RNF7: variants seen among roughly 807,000 people sequenced by gnomAD.
RNF7 encodes ring finger protein 7, also known as RING-box protein 2.
RNF7 carries 9 observed loss-of-function variants against 17.0 expected under a neutral mutation model. The ratio of observed to expected loss-of-function variants is 0.53; its 90% confidence interval spans 0.32 to 0.92. The LOEUF (loss-of-function observed/expected upper bound fraction) is 0.92. Ranked by LOEUF, RNF7 falls within the 40% of genes least tolerant of loss-of-function variation. The pLI, the probability that RNF7 is intolerant of heterozygous loss-of-function variation, is 0.04. For synonymous variants in RNF7, 59 were observed against 50.5 expected, an observed-to-expected ratio of 1.17 and a Z score of -0.72; for missense variants, 87 against 145.8, an observed-to-expected ratio of 0.60 and a Z score of 2.08.
chr3:141,745,237 T>C lies in RNF7; in HGVS notation c.302T>C (p.Leu101Pro). The change falls in exon 3 of 3, where the codon CTC becomes CCC. Residue 101 changes from leucine (L) to proline (P), a missense_variant. By Grantham distance (98) the Leu-to-Pro change is moderately conservative (BLOSUM62 -3). Transcript: ENST00000273480. Reference protein sequence around the residue: ...LWVKQNNRCPLCQQDWVVQRI... With the variant: ...LWVKQNNRCPPCQQDWVVQRI... ...GTGAAACAGAACAATCGCTGCCCTC[T>C]CTGCCAGCAGGACTGGGTGGTCCAA... The C allele has an allele frequency of 1.9e-6, 3 of 1,612,920 alleles. No individual in the cohort carries two copies. The highest frequency in any genetic ancestry group is 2.5e-6 in the Non-Finnish European group (3 of 1,179,842).
Position 141,746,062 on chromosome 3 carries a change from C to T in RNF7, c.*785C>T, listed in dbSNP as rs982027814. The T allele has an allele frequency of 3.3e-5, 5 of 151,636 alleles. No homozygotes were observed. Among genetic ancestry groups the T allele is most frequent in the Non-Finnish European group, 5.9e-5 (4 of 67,972 alleles). 9.4% of individuals were successfully genotyped at this position (151,636 alleles called of 1,614,324 possible). On this transcript the variant is annotated 3_prime_UTR_variant, in exon 3 of 3. Transcript: ENST00000273480. ...CATGATGTCAACTCACTGCAACCTC[C>T]GCCTCCCGGGTTCAAGTGATTCTCC...
intron 2 of RNF7, among the ~76,000 whole-genome samples, chr3:141,744,700 G>A (rs2107859088): frequency 6.6e-6 from 1 of 152,312 alleles, no homozygotes; most frequent in Middle Eastern, 3.4e-3. Flanking sequence ...ACAACTGAAT[G>A]TTTAGAAGCA....
chr3:141,738,695 A>AGGGCTGCGGCCGCCGCCTG (rs570405511), intron 1 of RNF7, among the ~76,000 whole-genome samples, 179 bp downstream of exon 1: 16 of 152,274 alleles, frequency 1.1e-4, no homozygotes, highest in African/African-American at 3.4e-4. Flanking sequence ...GCGGCTCCTG[A>AGGGCTGCGGCCGCCGCCTG]GGGCTGCGGC....
rs917148673 is a variant in RNF7, at chr3:141,742,505, C to T, written c.176-1004C>T. The T allele has an allele frequency of 3.2e-5, 21 of 661,202 alleles. No individual in the cohort carries two copies. In the African/African-American group the frequency reaches 3.6e-4, roughly 11 times the overall value. The allele number at this position is 661,202 out of a possible 1,614,324, so 41.0% of individuals were successfully genotyped here. A position where few individuals can be genotyped will look rare whatever the true frequency, so the allele number is the denominator to read the frequency against. ...CCTCCCAAAGTGCTGGGATTACAGG[C>T]GAGCATTTTCTTACAAAGAAAAAAC... is the stretch of plus-strand genomic sequence containing the variant. On this transcript the variant is annotated intron_variant, in intron 1 of 2. Transcript: ENST00000273480.
intron 1 of RNF7, among the ~76,000 whole-genome samples, chr3:141,740,267 C>T (rs929547155): frequency 5.9e-5 from 9 of 151,284 alleles, no homozygotes; most frequent in African/African-American, 1.9e-4. Context: ...AGTTCCTTTC[C>T]AGTTTAAAAA....
chr3:141,746,457 C>T lies in RNF7; in HGVS notation c.*1180C>T, dbSNP rs1367244621. ...CCTTAATTTGTCAAGTAAATACTTT[C>T]ATTTAATTTGAAAGAATTCATATTC... On this transcript the variant is annotated 3_prime_UTR_variant, in exon 3 of 3. Transcript: ENST00000273480. The T allele has an allele frequency of 2.7e-5, 4 of 150,658 alleles. No homozygotes were observed. The highest frequency in any genetic ancestry group is 5.9e-5 in the Non-Finnish European group (4 of 68,002). 9.3% of individuals were successfully genotyped at this position (150,658 alleles called of 1,614,324 possible).
At chr3:141,742,707 G>A in intron 1 of RNF7, 1 of 1,219,962 alleles carries the variant, frequency 8.2e-7, no homozygotes. Flanking sequence ...AGTGAAATGG[G>A]ATTTGACTGT....
At position 141,745,644 on chromosome 3, in the gene RNF7, T is replaced by C. The variant is rs1220992013; in HGVS notation, c.*367T>C. 2 of 154,388 alleles carry C rather than the reference T, an allele frequency of 1.3e-5. No homozygotes were observed. The highest frequency in any genetic ancestry group is 4.8e-5 in the African/African-American group (2 of 41,478). 9.6% of individuals were successfully genotyped at this position (154,388 alleles called of 1,614,324 possible). Reference sequence around the variant, plus strand: ...TTTCAGAGAACTTTTTGCATGCTTATGGTTGATCAGTTAAAAAAGAATGTT... The same window carrying C: ...TTTCAGAGAACTTTTTGCATGCTTACGGTTGATCAGTTAAAAAAGAATGTT... On this transcript the variant is annotated 3_prime_UTR_variant, in exon 3 of 3. Coordinates refer to ENST00000273480, the MANE Select transcript of RNF7 (RefSeq NM_014245.5).
In RNF7 at chr3:141,746,033, G is replaced by C. The variant is rs1398329134; in HGVS notation, c.*756G>C. 6.7e-6 allele frequency: 1 copy of C among 150,272 alleles called. No homozygotes were observed. Among genetic ancestry groups the C allele is most frequent in the Non-Finnish European group, 1.5e-5 (1 of 67,894 alleles). The allele number at this position is 150,272 out of a possible 1,614,324, so 9.3% of individuals were successfully genotyped here. A position where few individuals can be genotyped will look rare whatever the true frequency, so the allele number is the denominator to read the frequency against. Reference sequence around the variant, plus strand: ...GCTCTGCCACCCAGGCTGGAGTGCAGTGGCATGATGTCAACTCACTGCAAC... The same window carrying C: ...GCTCTGCCACCCAGGCTGGAGTGCACTGGCATGATGTCAACTCACTGCAAC... On this transcript the variant is annotated 3_prime_UTR_variant, in exon 3 of 3. Transcript: ENST00000273480.
Position 141,745,903 on chromosome 3 carries a change from A to C in RNF7, c.*626A>C, listed in dbSNP as rs886613068. On this transcript the variant is annotated 3_prime_UTR_variant, in exon 3 of 3. Coordinates refer to ENST00000273480, the MANE Select transcript of RNF7 (RefSeq NM_014245.5). ...ATTCATCAAGAAAACCTAGATCTGC[A>C]CTCACCTCACTGTTCAATCATTGAG... 1 of 151,924 alleles carries C rather than the reference A, an allele frequency of 6.6e-6. No homozygotes were observed. Among genetic ancestry groups the C allele is most frequent in the Non-Finnish European group, 1.5e-5 (1 of 68,006 alleles). 9.4% of individuals were successfully genotyped at this position (151,924 alleles called of 1,614,324 possible).
chr3:141,746,402 T>C lies in RNF7; in HGVS notation c.*1125T>C, dbSNP rs1201785256. On this transcript the variant is annotated 3_prime_UTR_variant, in exon 3 of 3. Coordinates refer to ENST00000273480, the MANE Select transcript of RNF7 (RefSeq NM_014245.5). ...TAAATGGTTTATTCTGCTTACCTTA[T>C]TTGAATTGTCATTATAATTTTATAT... The C allele has an allele frequency of 6.6e-6, 1 of 152,236 alleles. No individual in the cohort carries two copies. Among genetic ancestry groups the C allele is most frequent in the Non-Finnish European group, 1.5e-5 (1 of 68,036 alleles). The allele number at this position is 152,236 out of a possible 1,614,324, so 9.4% of individuals were successfully genotyped here.
Position 141,738,353 on chromosome 3 carries a change from G to A in RNF7, c.12G>A (p.Val4=), listed in dbSNP as rs1246375251. 1.3e-6 allele frequency: 2 copies of A among 1,575,790 alleles called. No homozygotes were observed. Among genetic ancestry groups the A allele is most frequent in the Non-Finnish European group, 1.7e-6 (2 of 1,161,312 alleles). MAD[V]EDGEETCALA... Reference sequence around the variant, plus strand: ...TCCGCGGCGCCGCCATGGCCGACGTGGAAGACGGAGAGGAAACCTGCGCCC... The same window carrying A: ...TCCGCGGCGCCGCCATGGCCGACGTAGAAGACGGAGAGGAAACCTGCGCCC... Residue 4 remains valine, a synonymous_variant, in exon 1 of 3, where the codon GTG becomes GTA. Transcript: ENST00000273480.
intron 1 of RNF7, among the ~76,000 whole-genome samples, chr3:141,741,433 GT>G (rs970225440): frequency 6.6e-6 from 1 of 152,168 alleles, no homozygotes; most frequent in African/African-American, 2.4e-5. Flanking sequence ...GGGCAGTGGT[GT>G]TTTTTTAAGG....
At chr3:141,738,644 C>T in intron 1 of RNF7, 128 bp downstream of exon 1, 1 of 1,002,790 alleles carries the variant, frequency 1.0e-6, no homozygotes. Context: ...TGGAGGTCGC[C>T]CTGCCCCGGC....
chr3:141,742,223 CTTTTTTTTTTT>C (rs1196270339), intron 1 of RNF7, among the ~76,000 whole-genome samples: 2 of 109,444 alleles, frequency 1.8e-5, no homozygotes, highest in East Asian at 2.5e-4. Flanking sequence ...CAAGCATTTT[CTTTTTTTTTTT>C]TTTTTTTTTT....
chr3:141,743,907 T>C (rs1308236519), intron 2 of RNF7, among the ~76,000 whole-genome samples: 1 of 152,222 alleles, frequency 6.6e-6, no homozygotes, highest in African/African-American at 2.4e-5. Context: ...TTGGTTCTAA[T>C]AAGGCATTTC....
At chr3:141,745,000 A>G (rs2084457444) in intron 2 of RNF7, among the ~76,000 whole-genome samples, 159 bp from the exon 3 acceptor site, 1 of 152,216 alleles carries the variant, frequency 6.6e-6, no homozygotes, top group African/African-American at 2.4e-5. Context: ...TAACTTACAC[A>G]TTTAAGTTTC....
rs1336954379 is a variant in RNF7, at chr3:141,747,003, GGCTT to G, written c.*1727_*1730del. ...TCCTTAAAATGTGAACCAGATACAT[GGCTT>G]TGCATTGAAGAGGAAAGCAGTAGAA... On this transcript the variant is annotated 3_prime_UTR_variant, in exon 3 of 3. Transcript: ENST00000273480. 1 of 152,190 alleles carries G rather than the reference GGCTT, an allele frequency of 6.6e-6. No homozygotes were observed. Among genetic ancestry groups the G allele is most frequent in the African/African-American group, 2.4e-5 (1 of 41,450 alleles). The allele number at this position is 152,190 out of a possible 1,614,324, so 9.4% of individuals were successfully genotyped here.
Position 141,745,966 on chromosome 3 carries a change from T to A in RNF7, c.*689T>A, listed in dbSNP as rs562989431. 1 of 150,810 alleles carries A rather than the reference T, an allele frequency of 6.6e-6. No homozygotes were observed. Among genetic ancestry groups the A allele is most frequent in the East Asian group, 1.9e-4 (1 of 5,140 alleles). 9.3% of individuals were successfully genotyped at this position (150,810 alleles called of 1,614,324 possible). A position where few individuals can be genotyped will look rare whatever the true frequency, so the allele number is the denominator to read the frequency against. On this transcript the variant is annotated 3_prime_UTR_variant, in exon 3 of 3. Transcript: ENST00000273480. ...GAAGTATTTTCTAGTTCTGGTCAGA[T>A]GATATAATTTTTTTTTTTTTTTTTT...
Sources: gnomAD v4.1 joint callset for allele counts (sites outside exome capture counted in the v4.1 genomes callset) on GRCh38, gnomAD v4.1.1 for gene constraint, MANE v1.5 for transcripts, NCBI Gene and HGNC (gene_info 2026-07-23, HGNC 2026-07-21) for gene names.